The following SEZ6L variants were observed in gnomAD, a reference collection of about 807,000 sequenced individuals.
SEZ6L encodes the protein seizure related 6 homolog like, also known as seizure 6-like protein.
In SEZ6L, 37 loss-of-function variants were observed where a neutral mutation model predicts 106.2. That is an observed-to-expected ratio of 0.35 (90% CI 0.27 to 0.46). The LOEUF is 0.46. SEZ6L is among the 20% of genes least tolerant of loss of function. SEZ6L has a pLI of 1.00. For synonymous variants in SEZ6L, 541 were observed against 570.4 expected (o/e 0.95, Z 0.73); for missense variants, 1,172 against 1,332.8 (o/e 0.88, Z 1.88).
chr22:26,316,052 C>CAA (rs557963856), intron 9 of SEZ6L, among the ~76,000 whole-genome samples: 1 of 150,634 alleles, frequency 6.6e-6, no homozygotes, highest in South Asian at 2.1e-4. Context: ...GACTCTGTCT[C>CAA]AAAAAAAAAT....
At chr22:26,208,440 A>G (rs1282379462) in intron 1 of SEZ6L, among the ~76,000 whole-genome samples, 1 of 152,146 alleles carries the variant, frequency 6.6e-6, no homozygotes, top group African/African-American at 2.4e-5. Context: ...CATTCTTGAA[A>G]GCTATTTTAC....
intron 6 of SEZ6L, among the ~76,000 whole-genome samples, chr22:26,309,147 T>C (rs1329600405): frequency 6.6e-6 from 1 of 152,222 alleles, no homozygotes; most frequent in African/African-American, 2.4e-5. Context: ...GGCTTAAAAA[T>C]GTGTGTTTAT....
At chr22:26,289,331 C>T (rs1014838178) in intron 1 of SEZ6L, among the ~76,000 whole-genome samples, 1 of 152,162 alleles carries the variant, frequency 6.6e-6, no homozygotes, top group Non-Finnish European at 1.5e-5. Flanking sequence ...TTTAGAAAAG[C>T]GACAGTGAGC....
At chr22:26,171,402 A>G (rs1021765060) in intron 1 of SEZ6L, among the ~76,000 whole-genome samples, 1 of 149,294 alleles carries the variant, frequency 6.7e-6, no homozygotes. Flanking sequence ...CTGTGTTGTG[A>G]CTAACACACA....
At chr22:26,339,237 A>T (rs1229665851) in intron 9 of SEZ6L, among the ~76,000 whole-genome samples, 1 of 152,158 alleles carries the variant, frequency 6.6e-6, no homozygotes, top group African/African-American at 2.4e-5. Context: ...CTCATAGTAG[A>T]TGCTCAAAAA....
intron 6 of SEZ6L, among the ~76,000 whole-genome samples, chr22:26,310,387 T>C (rs2081780622): frequency 6.6e-6 from 1 of 152,014 alleles, no homozygotes; most frequent in Admixed American, 6.5e-5. Flanking sequence ...AGTACAAAAA[T>C]GTGCTGGGCA....
chr22:26,319,693 T>G (rs770565030), intron 9 of SEZ6L, among the ~76,000 whole-genome samples: 1 of 152,176 alleles, frequency 6.6e-6, no homozygotes, highest in Non-Finnish European at 1.5e-5. Flanking sequence ...CTACGCATTG[T>G]GGTGTATCTT....
Position 26,270,586 on chromosome 22 carries a change from G to C in SEZ6L, c.95-21820G>C, listed in dbSNP as rs1440930146. Among the ~76,000 whole-genome samples the C allele has an allele frequency of 2.0e-5, 3 of 152,094 alleles. No homozygotes were observed. The East Asian group carries it at 5.8e-4, about 29-fold the overall frequency. On this transcript the variant is annotated intron_variant, in intron 1 of 16. Transcript: ENST00000248933. The stretch of plus-strand genomic sequence containing the variant: ...GCAAATGTATGGAATAGGAGCTATA[G>C]ACACCTTCAGTGCTCTGCAGGGAGA...
chr22:26,285,690 T>G (rs1327820651), intron 1 of SEZ6L, among the ~76,000 whole-genome samples: 1 of 152,180 alleles, frequency 6.6e-6, no homozygotes, highest in African/African-American at 2.4e-5. Flanking sequence ...GAGCAGCTTC[T>G]GTCACCCAGC....
chr22:26,289,592 G>A (rs972806399), intron 1 of SEZ6L, among the ~76,000 whole-genome samples: 11 of 152,274 alleles, frequency 7.2e-5, no homozygotes, highest in African/African-American at 1.9e-4. Context: ...ATCCACTCAC[G>A]CTGCTCCCAG....
Position 26,382,063 on chromosome 22 carries a change from CA to C in SEZ6L, c.*1769del, listed in dbSNP as rs776274116. 244 of 518,538 alleles carry C rather than the reference CA, an allele frequency of 4.7e-4. 1 individual carries two copies. The highest frequency in any genetic ancestry group is 2.5e-4 in the Admixed American group (13 of 51,536). The allele number at this position is 518,538 out of a possible 1,614,324, so 32.1% of individuals were successfully genotyped here. On this transcript the variant is annotated 3_prime_UTR_variant, in exon 17 of 17. Transcript: ENST00000248933. ...GACTTCAATCTTGGGGGTCTAAGAC[CA>C]GAATATTTTCCTTCTGCCAGAAAAG...
rs535590526 is a variant in SEZ6L, at chr22:26,355,771, A to G, written c.2599+4528A>G. 1.3e-4 allele frequency among the ~76,000 whole-genome samples: 19 copies of G among 151,266 alleles called. No homozygotes were observed. The East Asian group carries it at 3.1e-3, about 25-fold the overall frequency. ...AAAAGAAAAGAAAAGAAAACTGTAT[A>G]AGCTCTGGTTGTCTACAGCCTCTTG... On this transcript the variant is annotated intron_variant, in intron 12 of 16. Coordinates refer to ENST00000248933, the MANE Select transcript of SEZ6L (RefSeq NM_021115.5).
chr22:26,183,603 A>T (rs1449232681), intron 1 of SEZ6L, among the ~76,000 whole-genome samples: 1 of 152,246 alleles, frequency 6.6e-6, no homozygotes, highest in East Asian at 1.9e-4. Flanking sequence ...AACCTCCAAT[A>T]ACCATCCCAG....
chr22:26,272,296 T>C (rs1001724097), intron 1 of SEZ6L, among the ~76,000 whole-genome samples: 1 of 152,232 alleles, frequency 6.6e-6, no homozygotes, highest in African/African-American at 2.4e-5. Context: ...GTTTTCTATG[T>C]CCGAGTTACA....
intron 9 of SEZ6L, among the ~76,000 whole-genome samples, chr22:26,338,679 C>A (rs1182251119): frequency 6.6e-6 from 1 of 152,108 alleles, no homozygotes; most frequent in Non-Finnish European, 1.5e-5. Flanking sequence ...CCTGCCTCAG[C>A]CTCCCGAGTA....
At position 26,375,648 on chromosome 22, in the gene SEZ6L, C is replaced by G. The variant is rs2084198073; in HGVS notation, c.2901C>G (p.Ile967Met). 6.2e-7 allele frequency: 1 copy of G among 1,614,014 alleles called. No individual in the cohort carries two copies. The highest frequency in any genetic ancestry group is 8.5e-7 in the Non-Finnish European group (1 of 1,180,018). The change falls in exon 15 of 17, where the codon ATC becomes ATG. Residue 967 changes from isoleucine (I) to methionine (M), a missense_variant. Transcript: ENST00000248933. The part of the protein sequence containing the change: ...MALAIFIPVL[I>M]ISLLLGGAYI... ...TGGCTATCTTCATCCCGGTCCTCAT[C>G]ATCTCCTTACTGCTGGGAGGAGCCT...
chr22:26,382,001 T>G lies in SEZ6L; in HGVS notation c.*1706T>G, dbSNP rs749788191. 3.9e-6 allele frequency: 2 copies of G among 518,406 alleles called. No homozygotes were observed. The highest frequency in any genetic ancestry group is 7.7e-6 in the Non-Finnish European group (2 of 259,558). The allele number at this position is 518,406 out of a possible 1,614,324, so 32.1% of individuals were successfully genotyped here. On this transcript the variant is annotated 3_prime_UTR_variant, in exon 17 of 17. Coordinates refer to ENST00000248933, the MANE Select transcript of SEZ6L (RefSeq NM_021115.5). ...TAAGCAAGATAGGGAAAGTTGATTTTAGGCACACATGTACCCTCCTTGACA... is the reference window on the plus strand; with the variant it reads ...TAAGCAAGATAGGGAAAGTTGATTTGAGGCACACATGTACCCTCCTTGACA...
intron 12 of SEZ6L, among the ~76,000 whole-genome samples, chr22:26,358,239 G>T (rs2083502166): frequency 6.6e-6 from 1 of 152,196 alleles, no homozygotes; most frequent in African/African-American, 2.4e-5. Flanking sequence ...AAGGGCCTTT[G>T]TTATAGCAGA....
chr22:26,295,786 A>G (rs2081283962), intron 3 of SEZ6L, among the ~76,000 whole-genome samples: 1 of 152,176 alleles, frequency 6.6e-6, no homozygotes, highest in Non-Finnish European at 1.5e-5. Flanking sequence ...AACTGATGCA[A>G]TGCCTGCCCT....
Sources: allele counts gnomAD v4.1 joint callset (sites outside exome capture counted in the v4.1 genomes callset), GRCh38; gene constraint gnomAD v4.1.1; transcripts MANE v1.5; gene names NCBI Gene and HGNC (gene_info 2026-07-23, HGNC 2026-07-21).